Variants in NPLOC4 observed in about 807,000 individuals in gnomAD.
NPLOC4 encodes the protein nuclear protein localization protein 4 homolog.
In NPLOC4, 18 loss-of-function variants were observed where a neutral mutation model predicts 80.6. That is an observed-to-expected ratio of 0.22 (90% CI 0.15 to 0.33). The LOEUF is 0.33. Among genes scored for constraint, NPLOC4 ranks in the 10% least tolerant of loss-of-function variants. NPLOC4 has a pLI of 1.00. For missense variants in NPLOC4, 540 were observed against 786.1 expected, an observed-to-expected ratio of 0.69 and a Z score of 3.74; for synonymous variants, 313 against 301.5, an observed-to-expected ratio of 1.04 and a Z score of -0.39.
intron 3 of NPLOC4, among the ~76,000 whole-genome samples, chr17:81,616,521 G>C (rs2035496207): frequency 1.3e-5 from 2 of 151,688 alleles, no homozygotes. Flanking sequence ...ATGAGGTCAG[G>C]AGATTGAGAC....
rs773784085 is a variant in NPLOC4, at chr17:81,597,326, AG to A, written c.922-11del. Reference sequence around the variant, plus strand: ...TAAATATCCAGCCAACCTTAAAAAAAGGAAAGTAGCTTTTAAACATCTCCTC... The same window carrying A: ...TAAATATCCAGCCAACCTTAAAAAAAGAAAGTAGCTTTTAAACATCTCCTC... On this transcript the variant is annotated splice_polypyrimidine_tract_variant and intron_variant, in intron 9 of 16. Transcript: ENST00000331134. 2 of 1,610,320 alleles carry A rather than the reference AG, an allele frequency of 1.2e-6. No homozygotes were observed. The highest frequency in any genetic ancestry group is 2.2e-5 in the East Asian group (1 of 44,834).
chr17:81,608,899 G>T, intron 5 of NPLOC4, 77 bp from the exon 6 acceptor site: 5 of 1,147,466 alleles, frequency 4.4e-6, no homozygotes, highest in Non-Finnish European at 5.1e-6. Context: ...GCTACGCACA[G>T]GGGGAGGCCA....
At chr17:81,624,412 C>G (rs1227148859) in intron 2 of NPLOC4, among the ~76,000 whole-genome samples, 1 of 152,040 alleles carries the variant, frequency 6.6e-6, no homozygotes, top group East Asian at 1.9e-4. Flanking sequence ...GAGTGAAACT[C>G]CGTCTCAAAA....
chr17:81,595,972 TA>T (rs1568140549), intron 11 of NPLOC4, 143 bp downstream of exon 11: 2 of 799,132 alleles, frequency 2.5e-6, no homozygotes, highest in Non-Finnish European at 1.9e-6. Flanking sequence ...ATTTTTACCA[TA>T]AAAAGAAAGG....
chr17:81,561,551 C>T (rs1394732784), intron 16 of NPLOC4, among the ~76,000 whole-genome samples: 2 of 152,132 alleles, frequency 1.3e-5, no homozygotes, highest in African/African-American at 4.8e-5. Flanking sequence ...CTTTGCGTAC[C>T]CCAAGGCCCT....
At chr17:81,621,299 T>C (rs1460406998) in intron 3 of NPLOC4, among the ~76,000 whole-genome samples, 1 of 152,140 alleles carries the variant, frequency 6.6e-6, no homozygotes, top group African/African-American at 2.4e-5. Context: ...TAAGAACAAA[T>C]GAATGCTACA....
intron 2 of NPLOC4, among the ~76,000 whole-genome samples, chr17:81,624,528 G>A (rs1458331501): frequency 6.6e-6 from 1 of 152,164 alleles, no homozygotes; most frequent in African/African-American, 2.4e-5. Context: ...CGACCTGGGA[G>A]GCGGAGCTGC....
intron 12 of NPLOC4, among the ~76,000 whole-genome samples, chr17:81,579,579 G>A (rs1041961171): frequency 6.6e-5 from 10 of 151,830 alleles, no homozygotes; most frequent in African/African-American, 2.2e-4. Context: ...GCATCCCATC[G>A]CTCCTGCCAG....
intron 16 of NPLOC4, 24 bp downstream of exon 16, chr17:81,565,481 G>A (rs757166862): frequency 1.2e-5 from 18 of 1,526,730 alleles, no homozygotes; most frequent in African/African-American, 9.6e-5. Context: ...ACGGGGTGCC[G>A]GGGCAGGGGG....
intron 12 of NPLOC4, among the ~76,000 whole-genome samples, chr17:81,575,933 A>T (rs185277471): frequency 6.6e-6 from 1 of 152,272 alleles, no homozygotes; most frequent in Non-Finnish European, 1.5e-5. Flanking sequence ...AAGCAAACAC[A>T]ATCTCCTATG....
chr17:81,595,534 ATTT>A (rs113450373), intron 11 of NPLOC4, among the ~76,000 whole-genome samples: 1 of 139,660 alleles, frequency 7.2e-6, no homozygotes, highest in Non-Finnish European at 1.5e-5. Flanking sequence ...ATATATATAT[ATTT>A]TTTTTTTCTT....
chr17:81,574,436 C>T (rs565534125), intron 12 of NPLOC4, among the ~76,000 whole-genome samples: 5 of 152,260 alleles, frequency 3.3e-5, no homozygotes, highest in South Asian at 4.1e-4. Flanking sequence ...CAGATGTTTT[C>T]GCCAGCCAAT....
rs572901727 is a variant in NPLOC4 at position 81,605,031 on chromosome 17, C to T, written c.655-304G>A. 8.6e-4 allele frequency among the ~76,000 whole-genome samples: 128 copies of T among 149,126 alleles called. 2 individuals are homozygous for T. In the South Asian group the frequency reaches 0.026, roughly 30 times the overall value. The stretch of plus-strand genomic sequence containing the variant: ...ATCCCAGCACTTTGGGAGGCCAAGG[C>T]GGGCGGATCATGAGGTCAGGAGATC... On this transcript the variant is annotated intron_variant, in intron 7 of 16. Coordinates refer to ENST00000331134, the MANE Select transcript of NPLOC4 (RefSeq NM_017921.4).
At chr17:81,602,808 G>A (rs1368940169) in intron 8 of NPLOC4, among the ~76,000 whole-genome samples, 1 of 151,870 alleles carries the variant, frequency 6.6e-6, no homozygotes, top group Non-Finnish European at 1.5e-5. Context: ...GGTAGGCTGA[G>A]GCGAGTGAAC....
intron 2 of NPLOC4, among the ~76,000 whole-genome samples, chr17:81,625,083 G>A (rs2035763565): frequency 6.6e-6 from 1 of 152,120 alleles, no homozygotes; most frequent in African/African-American, 2.4e-5. Context: ...CAGGATGGTG[G>A]GGATGAAGGC....
chr17:81,619,078 G>A (rs2035589216), intron 3 of NPLOC4, among the ~76,000 whole-genome samples: 1 of 151,782 alleles, frequency 6.6e-6, no homozygotes, highest in Non-Finnish European at 1.5e-5. Context: ...GAAGGCCGCA[G>A]GGTCCTCTGC....
At chr17:81,588,696 G>A (rs1373725071) in intron 12 of NPLOC4, among the ~76,000 whole-genome samples, 1 of 152,196 alleles carries the variant, frequency 6.6e-6, no homozygotes, top group African/African-American at 2.4e-5. Flanking sequence ...TGCAATGGTC[G>A]GATTTGGTGT....
chr17:81,559,233 G>A lies in NPLOC4; in HGVS notation c.*26C>T, dbSNP rs770636858. 2.5e-6 allele frequency: 4 copies of A among 1,581,334 alleles called. No homozygotes were observed. The Admixed American group carries it at 7.2e-5, about 29-fold the overall frequency. ...TTCAGGAAGGGCTGGGCTGGGCCCG[G>A]TCCTAGCCAGCAGAGGGCAGGCGCC... On this transcript the variant is annotated 3_prime_UTR_variant, in exon 17 of 17. Coordinates refer to ENST00000331134, the MANE Select transcript of NPLOC4 (RefSeq NM_017921.4).
chr17:81,595,479 C>T (rs1293968293), intron 11 of NPLOC4, among the ~76,000 whole-genome samples: 1 of 141,480 alleles, frequency 7.1e-6, no homozygotes, highest in African/African-American at 2.7e-5. Flanking sequence ...TGGAGTTTCA[C>T]TCTGTCGCCC....
Sources: gnomAD v4.1 joint callset for allele counts (sites outside exome capture counted in the v4.1 genomes callset) on GRCh38, gnomAD v4.1.1 for gene constraint, MANE v1.5 for transcripts, NCBI Gene and HGNC (gene_info 2026-07-23, HGNC 2026-07-21) for gene names.